MYO1H: variants seen among roughly 807,000 people sequenced by gnomAD.
MYO1H encodes the protein myosin IH.
In MYO1H, 118 loss-of-function variants were observed where a neutral mutation model predicts 149.3. The observed-to-expected ratio is 0.79, with a 90% CI of 0.68 to 0.92. The LOEUF (loss-of-function observed/expected upper bound fraction) is 0.92. Among genes scored for constraint, MYO1H ranks in the 40% least tolerant of loss-of-function variants. The probability of loss-of-function intolerance (pLI) is 0.00; values close to 1 mark genes in which losing one functional copy is unlikely to be tolerated. For missense variants in MYO1H, 1,212 were observed against 1,280.7 expected (o/e 0.95, Z 0.82); for synonymous variants, 447 against 465.2 (o/e 0.96, Z 0.50).
chr12:109,338,387 C>T, the MYO1H span, among the ~76,000 whole-genome samples: 915 of 152,260 alleles, frequency 6.0e-3, 9 homozygotes, highest in East Asian at 0.05. Flanking sequence ...CAAAAACAGA[C>T]GTCTGAGGGC....
the MYO1H span, among the ~76,000 whole-genome samples, chr12:109,327,941 TCAACTCTTTTTAG>T: frequency 6.6e-6 from 1 of 151,792 alleles, no homozygotes; most frequent in Non-Finnish European, 1.5e-5. Flanking sequence ...TTTCTATGCA[TCAACTCTTTTTAG>T]ACTCCAAAAG....
the MYO1H span, among the ~76,000 whole-genome samples, chr12:109,337,168 A>G: frequency 2.2e-4 from 33 of 152,352 alleles, no homozygotes; most frequent in Non-Finnish European, 3.8e-4. Context: ...TCCAGGGGTT[A>G]AGAAACCTGA....
At chr12:109,415,546 A>C (rs1870865128) in exon 15 of MYO1H, 1 of 1,607,212 alleles carries the variant, frequency 6.2e-7, no homozygotes, top group South Asian at 1.1e-5. Context: ...GCTGGTCCAA[A>C]GGGCCGAAAG....
At chr12:109,446,981 G>A in intron 31 of MYO1H, 178 bp from the exon 32 acceptor site, 1 of 660,130 alleles carries the variant, frequency 1.5e-6, no homozygotes, top group South Asian at 1.7e-5. Flanking sequence ...GGCTGAAGAG[G>A]CTGACAGGCC....
At chr12:109,412,487 A>G (rs901927263) in intron 14 of MYO1H, among the ~76,000 whole-genome samples, 1 of 152,180 alleles carries the variant, frequency 6.6e-6, no homozygotes, top group East Asian at 1.9e-4. Flanking sequence ...AAGATTTTAT[A>G]TCTTCCTTTA....
At chr12:109,447,039 T>TG in intron 31 of MYO1H, 120 bp from the exon 32 acceptor site, 1 of 985,706 alleles carries the variant, frequency 1.0e-6, no homozygotes, top group African/African-American at 1.6e-5. Flanking sequence ...GAGGTGGCAC[T>TG]GGCTTCTCAC....
intron 7 of MYO1H, among the ~76,000 whole-genome samples, chr12:109,405,235 G>A (rs1870324677): frequency 6.6e-6 from 1 of 151,768 alleles, no homozygotes; most frequent in Non-Finnish European, 1.5e-5. Flanking sequence ...ATAGATGGAT[G>A]GATAGATAGA....
At chr12:109,399,217 C>T (rs561526016) in intron 5 of MYO1H, among the ~76,000 whole-genome samples, 4 of 152,192 alleles carry the variant, frequency 2.6e-5, no homozygotes, top group African/African-American at 4.8e-5. Flanking sequence ...CTGAAAAGGC[C>T]GTAAAACATG....
intron 5 of MYO1H, among the ~76,000 whole-genome samples, chr12:109,399,806 T>C (rs994036463): frequency 1.1e-4 from 17 of 152,002 alleles, no homozygotes; most frequent in African/African-American, 3.9e-4. Flanking sequence ...TCCCAGTTAC[T>C]TGGGAGGCTG....
intron 1 of MYO1H, among the ~76,000 whole-genome samples, chr12:109,364,377 G>A (rs1428820780): frequency 6.6e-6 from 1 of 152,028 alleles, no homozygotes; most frequent in Non-Finnish European, 1.5e-5. Context: ...GCCCAGGACT[G>A]GGGTGTGGTG....
chr12:109,404,088 C>G lies in MYO1H; in HGVS notation c.849+8C>G. 1 of 1,605,674 alleles carries G rather than the reference C, an allele frequency of 6.2e-7. No individual in the cohort carries two copies. Among genetic ancestry groups the G allele is most frequent in the Non-Finnish European group, 8.5e-7 (1 of 1,173,332 alleles). ...ACTGAAGCTGACCTCGAGGTACGTG[C>G]TTTTGCAGCAGAACTGATAGTTCCC... On this transcript the variant is annotated splice_region_variant and intron_variant, in intron 7 of 31. Transcript: ENST00000310903.
intron 28 of MYO1H, 50 bp downstream of exon 28, chr12:109,443,699 TGGAAAGC>T: frequency 1.2e-6 from 2 of 1,604,020 alleles, no homozygotes; most frequent in South Asian, 2.2e-5. Context: ...ACTCAACTAC[TGGAAAGC>T]CCAGTAATGA....
chr12:109,405,843 TGACATGTATCAATTAGGCGG>T (rs1870355816), intron 7 of MYO1H, 59 bp from the exon 8 acceptor site: 7 of 984,220 alleles, frequency 7.1e-6, no homozygotes, highest in South Asian at 1.4e-5. Flanking sequence ...TCTCCACTAA[TGACATGTATCAATTAGGCGG>T]CCACCGTTCT....
chr12:109,410,448 G>A (rs1037381522), intron 12 of MYO1H, among the ~76,000 whole-genome samples: 5 of 152,100 alleles, frequency 3.3e-5, no homozygotes, highest in Non-Finnish European at 1.5e-5. Context: ...AACCACTAAA[G>A]ACATTTAACT....
the MYO1H span, among the ~76,000 whole-genome samples, chr12:109,321,728 C>T: frequency 6.6e-6 from 1 of 152,110 alleles, no homozygotes; most frequent in Non-Finnish European, 1.5e-5. Flanking sequence ...AATTAAACAA[C>T]AGAATACCAC....
intron 19 of MYO1H, among the ~76,000 whole-genome samples, chr12:109,427,909 AATATATATATATATATAT>A (rs1555254297): frequency 6.1e-5 from 1 of 16,416 alleles, no homozygotes; most frequent in Admixed American, 8.7e-4. Context: ...AAAAAAAAAA[AATATATATATATATATAT>A]ATATATATAT....
chr12:109,369,866 G>A (rs1007586462), intron 1 of MYO1H, among the ~76,000 whole-genome samples: 1 of 152,170 alleles, frequency 6.6e-6, no homozygotes, highest in Non-Finnish European at 1.5e-5. Context: ...TAATTATAAA[G>A]AAAAAGAGGT....
At chr12:109,392,922 G>GCCTC (rs1301815054) in intron 2 of MYO1H, among the ~76,000 whole-genome samples, 7 of 151,628 alleles carry the variant, frequency 4.6e-5, no homozygotes, top group African/African-American at 1.5e-4. Context: ...AGATTCTCCT[G>GCCTC]CCTCCGCCTC....
At position 109,353,184 on chromosome 12, in the gene MYO1H, T is replaced by A. The variant is rs1868500138; in HGVS notation, c.12+5212T>A. On this transcript the variant is annotated intron_variant, in intron 1 of 31. Coordinates refer to ENST00000310903, the Ensembl canonical transcript of MYO1H. The stretch of plus-strand genomic sequence containing the variant: ...GCCGAAGTGGATGGATCACCTGAGG[T>A]CAGGAGTTTGAGACCAGCCTGGCCA... Among the ~76,000 whole-genome samples the A allele has an allele frequency of 2.0e-5, 3 of 151,970 alleles. No homozygotes were observed. The South Asian group carries it at 6.2e-4, about 32-fold the overall frequency.
Sources: allele counts gnomAD v4.1 joint callset (sites outside exome capture counted in the v4.1 genomes callset), GRCh38; gene constraint gnomAD v4.1.1; transcripts MANE v1.5; gene names NCBI Gene and HGNC (gene_info 2026-07-23, HGNC 2026-07-21).